LRCH3: variants seen among roughly 807,000 people sequenced by gnomAD.
LRCH3 encodes the protein leucine rich repeats and calponin homology domain containing 3.
A neutral mutation model predicts 104.5 loss-of-function variants in LRCH3; 68 were observed. The ratio of observed to expected loss-of-function variants is 0.65; its 90% confidence interval spans 0.54 to 0.80. LRCH3 has a LOEUF of 0.80. Ranked by LOEUF, LRCH3 falls within the 30% of genes least tolerant of loss-of-function variation. The probability of loss-of-function intolerance (pLI) is 0.00; values close to 1 mark genes in which losing one functional copy is unlikely to be tolerated. For synonymous variants in LRCH3, 344 were observed against 361.3 expected (o/e 0.95, Z 0.54); for missense variants, 951 against 953.9 (o/e 1.00, Z 0.04).
chr3:197,816,794 AAGT>A (rs1375892850), intron 2 of LRCH3, among the ~76,000 whole-genome samples: 3 of 152,302 alleles, frequency 2.0e-5, no homozygotes, highest in African/African-American at 7.2e-5. Context: ...TAATCTTCAG[AAGT>A]AAGGAGGATG....
intron 20 of LRCH3, chr3:197,881,831 G>C (rs1342855810): frequency 1.0e-6 from 1 of 985,378 alleles, no homozygotes; most frequent in Admixed American, 6.1e-5. Flanking sequence ...CCTGAGGGAG[G>C]AGCATAACAT....
chr3:197,853,785 G>A (rs538022415), intron 13 of LRCH3, among the ~76,000 whole-genome samples: 14 of 152,248 alleles, frequency 9.2e-5, no homozygotes, highest in Non-Finnish European at 1.6e-4. Context: ...ATACCTCAAA[G>A]ATTGGCTCCA....
rs368810192 is a variant in LRCH3 at position 197,820,372 on chromosome 3, C to A, written c.582C>A (p.Asn194Lys). The change falls in exon 4 of 21, where the codon AAC (asparagine) becomes AAA (lysine). Residue 194 changes from asparagine (N) to lysine (K), a missense_variant. Coordinates refer to ENST00000425562, the MANE Select transcript of LRCH3 (RefSeq NM_001365715.1). ...EIQTIPSQIG[N>K]LEALRDLNVR... The stretch of plus-strand genomic sequence containing the variant: ...AAACTATACCTTCCCAAATTGGTAA[C>A]CTGGAGGCCTTGAGAGACCTTAATG... 2.5e-6 allele frequency: 4 copies of A among 1,613,404 alleles called. No homozygotes were observed. Among genetic ancestry groups the A allele is most frequent in the Non-Finnish European group, 3.4e-6 (4 of 1,179,404 alleles).
At chr3:197,853,198 C>CT (rs974302371) in intron 13 of LRCH3, among the ~76,000 whole-genome samples, 12 of 150,386 alleles carry the variant, frequency 8.0e-5, no homozygotes, top group South Asian at 2.1e-4. Flanking sequence ...TTTTCTTTTT[C>CT]TTTTTTTTTG....
intron 10 of LRCH3, among the ~76,000 whole-genome samples, 185 bp downstream of exon 10, chr3:197,839,582 G>A (rs1041231720): frequency 2.0e-5 from 3 of 152,134 alleles, no homozygotes; most frequent in African/African-American, 7.2e-5. Flanking sequence ...ATTCTAAATT[G>A]AGACCATCTA....
intron 10 of LRCH3, 75 bp downstream of exon 10, chr3:197,839,472 G>C (rs1737467083): frequency 2.4e-6 from 2 of 843,392 alleles, no homozygotes; most frequent in Admixed American, 5.5e-5. Flanking sequence ...GTTTTATGCA[G>C]ATCTGTGTGT....
intron 1 of LRCH3, among the ~76,000 whole-genome samples, chr3:197,792,605 A>ATATATATATATATATAT (rs1553912026): frequency 1.9e-5 from 1 of 52,272 alleles, no homozygotes; most frequent in Non-Finnish European, 4.4e-5. Context: ...ATATATATAT[A>ATATATATATATATATAT]AAATATACAT....
intron 10 of LRCH3, among the ~76,000 whole-genome samples, chr3:197,843,269 G>A (rs537982582): frequency 6.6e-6 from 1 of 152,112 alleles, no homozygotes; most frequent in Non-Finnish European, 1.5e-5. Context: ...GACACAGCCA[G>A]AAAAGCTACT....
In LRCH3 at chr3:197,883,691, G is replaced by C. The variant is rs745495723; in HGVS notation, c.*25G>C. The stretch of plus-strand genomic sequence containing the variant: ...AGGATCCCCAGGACGGTGGGCACTG[G>C]CCTGGCCAAAACAAGGAACAGGACA... On this transcript the variant is annotated 3_prime_UTR_variant, in exon 21 of 21. Transcript: ENST00000425562. The surrounding 1 kb of genome is among the most constrained non-coding windows in gnomAD (Gnocchi z 4.2). The C allele has an allele frequency of 2.5e-5, 38 of 1,530,660 alleles. No homozygotes were observed. In the Middle Eastern group the frequency reaches 1.0e-3, roughly 41 times the overall value. 94.8% of individuals were successfully genotyped at this position (1,530,660 alleles called of 1,614,324 possible).
intron 1 of LRCH3, among the ~76,000 whole-genome samples, chr3:197,792,577 T>TTA (rs11420466): frequency 0.11 from 2,209 of 20,302 alleles, 512 homozygotes; most frequent in Non-Finnish European, 0.19. Context: ...CCAGCTAATT[T>TTA]TATATATATA....
chr3:197,849,452 G>A (rs1739260535), intron 12 of LRCH3, among the ~76,000 whole-genome samples: 1 of 151,798 alleles, frequency 6.6e-6, no homozygotes, highest in African/African-American at 2.4e-5. Context: ...ATGTACTAAT[G>A]GCCATGTTCT....
In LRCH3 at chr3:197,819,961, C is replaced by T. The variant is rs1297920979; in HGVS notation, c.535-364C>T. On this transcript the variant is annotated intron_variant, in intron 3 of 20. Coordinates refer to ENST00000425562, the MANE Select transcript of LRCH3 (RefSeq NM_001365715.1). ...CTGGGCTCACGTGATCCACCCACCT[C>T]GGCTTCCCAGAGTGCTGGGATTACA... 5.9e-5 allele frequency among the ~76,000 whole-genome samples: 9 copies of T among 152,158 alleles called. No homozygotes were observed. In the East Asian group the frequency reaches 9.6e-4, roughly 16 times the overall value.
rs920994750 is a variant in LRCH3, at chr3:197,882,136, C to T, written c.2209-1405C>T. ...ATTCTCTTGAGAACACACGGCACTC[C>T]CTCTAGTCCAGCTGGGAGGTGAGGG... On this transcript the variant is annotated intron_variant, in intron 20 of 20. Coordinates refer to ENST00000425562, the MANE Select transcript of LRCH3 (RefSeq NM_001365715.1). 5.1e-6 allele frequency: 5 copies of T among 985,266 alleles called. No individual in the cohort carries two copies. The African/African-American group carries it at 5.2e-5, about 10-fold the overall frequency. 61.0% of individuals were successfully genotyped at this position (985,266 alleles called of 1,614,324 possible). A position where few individuals can be genotyped will look rare whatever the true frequency, so the allele number is the denominator to read the frequency against.
At chr3:197,817,134 TG>T (rs1238878848) in intron 2 of LRCH3, 41 bp from the exon 3 acceptor site, 5 of 1,552,178 alleles carry the variant, frequency 3.2e-6, no homozygotes, top group Non-Finnish European at 4.4e-6. Context: ...TTTTCTTCAG[TG>T]GTGGACTCTG....
At chr3:197,828,896 A>G (rs760286451) in intron 5 of LRCH3, among the ~76,000 whole-genome samples, 2 of 151,606 alleles carry the variant, frequency 1.3e-5, no homozygotes, top group African/African-American at 4.9e-5. Flanking sequence ...TGTAGTACAG[A>G]CGGGATTTCA....
intron 9 of LRCH3, among the ~76,000 whole-genome samples, chr3:197,837,415 A>G (rs958501014): frequency 6.6e-6 from 1 of 152,146 alleles, no homozygotes; most frequent in Non-Finnish European, 1.5e-5. Context: ...CCTGTTACGT[A>G]TGGTAGTCTT....
chr3:197,814,204 A>G (rs1733549112), intron 1 of LRCH3, among the ~76,000 whole-genome samples: 2 of 152,228 alleles, frequency 1.3e-5, no homozygotes. Context: ...GCGGGAGGCA[A>G]AAGGCACTTA....
chr3:197,833,391 A>AAAAAAAAAAG (rs60318472), intron 8 of LRCH3, among the ~76,000 whole-genome samples: 2 of 149,132 alleles, frequency 1.3e-5, no homozygotes, highest in South Asian at 2.1e-4. Flanking sequence ...AAAAAAAAAA[A>AAAAAAAAAAG]GCAGGGCATA....
At chr3:197,816,314 C>G (rs1382008855) in intron 2 of LRCH3, among the ~76,000 whole-genome samples, 2 of 151,666 alleles carry the variant, frequency 1.3e-5, no homozygotes, top group Non-Finnish European at 2.9e-5. Context: ...GGGTTTTACT[C>G]TCGTTGCCCA....
Sources: gnomAD v4.1 joint callset for allele counts (sites outside exome capture counted in the v4.1 genomes callset) on GRCh38, gnomAD v4.1.1 for gene constraint, Gnocchi (gnomAD v3.1) non-coding constraint, MANE v1.5 for transcripts, NCBI Gene and HGNC (gene_info 2026-07-23, HGNC 2026-07-21) for gene names.